The following SERPINI1 variants were observed in gnomAD, a reference collection of about 807,000 sequenced individuals.
SERPINI1 encodes neuroserpin.
Under a neutral mutation model 41.1 loss-of-function variants are expected in SERPINI1, and 19 were observed. That is an observed-to-expected ratio of 0.46 (90% CI 0.32 to 0.68). SERPINI1 has a LOEUF of 0.68. Ranked by LOEUF, SERPINI1 falls within the 30% of genes least tolerant of loss-of-function variation. The pLI is 0.03. For missense variants in SERPINI1, 460 were observed against 479.2 expected (o/e 0.96, Z 0.37); for synonymous variants, 138 against 156.6 (o/e 0.88, Z 0.89).
intron 1 of SERPINI1, among the ~76,000 whole-genome samples, chr3:167,786,339 C>A (rs1294421009): frequency 2.0e-5 from 3 of 151,490 alleles, no homozygotes; most frequent in Non-Finnish European, 4.4e-5. Flanking sequence ...CCCGTCTCTA[C>A]TAAAAATACA....
intron 1 of SERPINI1, among the ~76,000 whole-genome samples, chr3:167,749,825 C>T (rs534281232): frequency 1.3e-5 from 2 of 152,116 alleles, no homozygotes; most frequent in South Asian, 2.1e-4. Context: ...TCAATATAAA[C>T]AAAAGATGAG....
At chr3:167,810,406 A>G (rs561707825) in intron 6 of SERPINI1, among the ~76,000 whole-genome samples, 26 of 152,334 alleles carry the variant, frequency 1.7e-4, no homozygotes, top group African/African-American at 6.3e-4. Flanking sequence ...CCACTGCACT[A>G]AAGTGAATAT....
chr3:167,774,553 T>A (rs1197889962), intron 1 of SERPINI1, among the ~76,000 whole-genome samples: 1 of 152,154 alleles, frequency 6.6e-6, no homozygotes, highest in Non-Finnish European at 1.5e-5. Flanking sequence ...GTCAGTGACC[T>A]GTTAGGAACC....
At chr3:167,752,176 C>T (rs1234776656) in intron 1 of SERPINI1, among the ~76,000 whole-genome samples, 1 of 152,158 alleles carries the variant, frequency 6.6e-6, no homozygotes, top group East Asian at 1.9e-4. Context: ...CACCTCTTCT[C>T]CACACTCCCC....
chr3:167,787,901 C>CA (rs1485790233), intron 1 of SERPINI1, among the ~76,000 whole-genome samples: 1 of 152,168 alleles, frequency 6.6e-6, no homozygotes, highest in African/African-American at 2.4e-5. Context: ...TCTTCTAATT[C>CA]ATAAGCCTGT....
chr3:167,819,387 T>TA (rs11293772), intron 6 of SERPINI1, among the ~76,000 whole-genome samples: 46 of 151,980 alleles, frequency 3.0e-4, no homozygotes, highest in Admixed American at 6.6e-4. Flanking sequence ...AAATTTTTCT[T>TA]AAAAAAAACA....
chr3:167,781,568 CA>C (rs1374288428), intron 1 of SERPINI1, among the ~76,000 whole-genome samples: 1 of 149,850 alleles, frequency 6.7e-6, no homozygotes, highest in Non-Finnish European at 1.5e-5. Flanking sequence ...TGAGAATTAA[CA>C]GGCAGGGAAC....
intron 1 of SERPINI1, among the ~76,000 whole-genome samples, chr3:167,741,633 T>C (rs1039176857): frequency 2.6e-5 from 4 of 152,252 alleles, no homozygotes; most frequent in African/African-American, 7.2e-5. Flanking sequence ...TTTTTGCCTT[T>C]ACTTGAATTA....
chr3:167,807,542 C>T (rs1356052533), intron 6 of SERPINI1, among the ~76,000 whole-genome samples: 3 of 152,080 alleles, frequency 2.0e-5, no homozygotes, highest in South Asian at 2.1e-4. Flanking sequence ...TTATCTAGTT[C>T]GTATCATATC....
At chr3:167,808,767 T>G (rs1711752333) in intron 6 of SERPINI1, among the ~76,000 whole-genome samples, 1 of 152,156 alleles carries the variant, frequency 6.6e-6, no homozygotes, top group South Asian at 2.1e-4. Context: ...AAATTGCATA[T>G]AAATATGTGC....
At position 167,775,418 on chromosome 3, in the gene SERPINI1, C is replaced by T. The variant is rs533077806; in HGVS notation, c.-18-13693C>T. 1.1e-3 allele frequency among the ~76,000 whole-genome samples: 166 copies of T among 151,780 alleles called. 2 individuals are homozygous for T. Among genetic ancestry groups the T allele is most frequent in the East Asian group, 2.5e-3 (13 of 5,160 alleles). On this transcript the variant is annotated intron_variant, in intron 1 of 8. Transcript: ENST00000446050. ...CTGGGATTAGACACCTGCCACCACG[C>T]CCGGCTAATTTTTGTATTTTTAGTA...
At chr3:167,781,633 C>CTTTTTTTTTTTTTTTTT (rs1560005922) in intron 1 of SERPINI1, among the ~76,000 whole-genome samples, 1 of 129,672 alleles carries the variant, frequency 7.7e-6, no homozygotes, top group African/African-American at 2.8e-5. Context: ...TTTCTTTTGG[C>CTTTTTTTTTTTTTTTTT]CTTTTTTTTT....
chr3:167,768,620 C>T lies in SERPINI1; in HGVS notation c.-18-20491C>T, dbSNP rs528987709. 2.0e-5 allele frequency among the ~76,000 whole-genome samples: 3 copies of T among 152,282 alleles called. No individual in the cohort carries two copies. The East Asian group carries it at 5.8e-4, about 29-fold the overall frequency. On this transcript the variant is annotated intron_variant, in intron 1 of 8. Coordinates refer to ENST00000446050, the MANE Select transcript of SERPINI1 (RefSeq NM_001122752.2). ...AGCTACAGCCACAAAGAAAGTTGTT[C>T]TTCTGTGTATCTGAGTTTTCTAGAA... is the stretch of plus-strand genomic sequence containing the variant.
chr3:167,750,921 A>G (rs562324335), intron 1 of SERPINI1, among the ~76,000 whole-genome samples: 40 of 152,274 alleles, frequency 2.6e-4, no homozygotes, highest in African/African-American at 9.6e-4. Context: ...ATTCTCTTGC[A>G]TTCTTAAAAA....
chr3:167,757,713 G>A (rs997878038), intron 1 of SERPINI1, among the ~76,000 whole-genome samples: 1 of 152,100 alleles, frequency 6.6e-6, no homozygotes, highest in African/African-American at 2.4e-5. Flanking sequence ...GAGTTCAGGG[G>A]TTTGAGACCA....
At chr3:167,753,511 A>C (rs1726107811) in intron 1 of SERPINI1, among the ~76,000 whole-genome samples, 2 of 152,130 alleles carry the variant, frequency 1.3e-5, no homozygotes, top group Admixed American at 1.3e-4. Flanking sequence ...TCAAAACATA[A>C]TTCTCACATT....
At chr3:167,824,091 T>G (rs182714586) in intron 7 of SERPINI1, among the ~76,000 whole-genome samples, 132 of 152,328 alleles carry the variant, frequency 8.7e-4, no homozygotes, top group Non-Finnish European at 1.6e-3. Context: ...AGTTTTTGTT[T>G]GGGGATTTTT....
Position 167,825,443 on chromosome 3 carries a change from T to C in SERPINI1, c.*120T>C. 1 of 702,666 alleles carries C rather than the reference T, an allele frequency of 1.4e-6. No homozygotes were observed. Among genetic ancestry groups the C allele is most frequent in the Non-Finnish European group, 2.6e-6 (1 of 389,394 alleles). The allele number at this position is 702,666 out of a possible 1,614,324, so 43.5% of individuals were successfully genotyped here. A position where few individuals can be genotyped will look rare whatever the true frequency, so the allele number is the denominator to read the frequency against. The stretch of plus-strand genomic sequence containing the variant: ...AGATAATATTTAAAATAGTTCCAGA[T>C]AAAAACAATATATGTAAATTATAAG... On this transcript the variant is annotated 3_prime_UTR_variant, in exon 9 of 9. Transcript: ENST00000446050.
chr3:167,766,537 C>G (rs1407014655), intron 1 of SERPINI1, among the ~76,000 whole-genome samples: 1 of 152,172 alleles, frequency 6.6e-6, no homozygotes, highest in Non-Finnish European at 1.5e-5. Context: ...CAGAGCCAAA[C>G]CATATCAGTG....
Sources: allele counts gnomAD v4.1 joint callset (sites outside exome capture counted in the v4.1 genomes callset), GRCh38; gene constraint gnomAD v4.1.1; transcripts MANE v1.5; gene names NCBI Gene and HGNC (gene_info 2026-07-23, HGNC 2026-07-21).